The following ZSCAN5A variants were observed in gnomAD, a reference collection of about 807,000 sequenced individuals.
ZSCAN5A encodes the protein zinc finger and SCAN domain-containing protein 5A.
Under a neutral mutation model 23.7 loss-of-function variants are expected in ZSCAN5A, and 12 were observed. The observed-to-expected ratio is 0.51, with a 90% CI of 0.32 to 0.82. The LOEUF (loss-of-function observed/expected upper bound fraction) is 0.82. ZSCAN5A is among the 40% of genes least tolerant of loss of function. The pLI, the probability that ZSCAN5A is intolerant of heterozygous loss-of-function variation, is 0.03. For synonymous variants in ZSCAN5A, 257 were observed against 239.9 expected (o/e 1.07, Z -0.66); for missense variants, 597 against 617.9 (o/e 0.97, Z 0.36).
chr19:56,245,703 G>T (rs1322489287), intron 2 of ZSCAN5A, among the ~76,000 whole-genome samples: 2 of 152,174 alleles, frequency 1.3e-5, no homozygotes, highest in East Asian at 1.9e-4. Flanking sequence ...TGAACTGAAG[G>T]TCCCTTCCCC....
intron 2 of ZSCAN5A, chr19:56,321,005 A>G (rs1438879587): frequency 1.4e-6 from 1 of 706,540 alleles, no homozygotes; most frequent in Non-Finnish European, 2.7e-6. Context: ...TAAGTTGTCC[A>G]CTTTCCACCT....
intron 1 of ZSCAN5A, among the ~76,000 whole-genome samples, chr19:56,366,422 C>CAAAAAAAA (rs34420866): frequency 3.6e-5 from 3 of 83,168 alleles, no homozygotes; most frequent in Non-Finnish European, 5.7e-5. Context: ...GACTCTGTCT[C>CAAAAAAAA]AAAAAAAAAA....
chr19:56,325,053 G>A (rs1336764198), intron 2 of ZSCAN5A, among the ~76,000 whole-genome samples: 1 of 152,228 alleles, frequency 6.6e-6, no homozygotes, highest in Non-Finnish European at 1.5e-5. Context: ...GTGCATGGAC[G>A]AGTGTCTGAC....
chr19:56,323,240 A>G (rs1480846569), intron 2 of ZSCAN5A, among the ~76,000 whole-genome samples: 1 of 151,470 alleles, frequency 6.6e-6, no homozygotes, highest in Non-Finnish European at 1.5e-5. Flanking sequence ...TTGCTCTGTC[A>G]CTCAGAGTGC....
At chr19:56,285,599 C>T (rs1172529376) in intron 2 of ZSCAN5A, among the ~76,000 whole-genome samples, 1 of 152,010 alleles carries the variant, frequency 6.6e-6, no homozygotes, top group African/African-American at 2.4e-5. Context: ...GGATTCCTAA[C>T]ATATTTTGAT....
chr19:56,348,559 C>T (rs12608852), intron 2 of ZSCAN5A, among the ~76,000 whole-genome samples: 4,973 of 152,250 alleles, frequency 0.033, 256 homozygotes, highest in East Asian at 0.25. Flanking sequence ...ATTAGCTGAG[C>T]TAATAGCTCT....
At chr19:56,337,247 G>A (rs966756812) in intron 2 of ZSCAN5A, among the ~76,000 whole-genome samples, 27 of 152,294 alleles carry the variant, frequency 1.8e-4, no homozygotes, top group South Asian at 6.2e-4. Flanking sequence ...CGAGCTTCCC[G>A]GCCACTTTAT....
chr19:56,303,269 G>A (rs1453843568), intron 2 of ZSCAN5A, among the ~76,000 whole-genome samples: 1 of 151,970 alleles, frequency 6.6e-6, no homozygotes, highest in African/African-American at 2.4e-5. Context: ...CACGAGGTCA[G>A]GAGTTCAAGA....
chr19:56,270,965 C>T (rs574976065), intron 2 of ZSCAN5A, among the ~76,000 whole-genome samples: 16 of 152,196 alleles, frequency 1.1e-4, no homozygotes, highest in African/African-American at 3.9e-4. Flanking sequence ...TCATCTCTGT[C>T]CCCAGATCAC....
chr19:56,269,386 T>G (rs1214989063), intron 2 of ZSCAN5A, among the ~76,000 whole-genome samples: 2 of 152,274 alleles, frequency 1.3e-5, no homozygotes, highest in Non-Finnish European at 2.9e-5. Flanking sequence ...AGGGATATAG[T>G]CAATTGAGCA....
chr19:56,326,230 C>A lies in ZSCAN5A; in HGVS notation c.-357-9962G>T, dbSNP rs182419319. Among the ~76,000 whole-genome samples, 125 of 152,170 alleles carry A rather than the reference C, an allele frequency of 8.2e-4. 1 individual carries two copies. Among genetic ancestry groups the A allele is most frequent in the Admixed American group, 2.6e-3 (40 of 15,284 alleles). On this transcript the variant is annotated intron_variant, in intron 2 of 6. Transcript: ENST00000587340. Reference sequence around the variant, plus strand: ...GGGATTACAGGCGTGAGCCACCACGCCTGGCCTGATATACGTATATATTGT... The same window carrying A: ...GGGATTACAGGCGTGAGCCACCACGACTGGCCTGATATACGTATATATTGT...
chr19:56,223,259 C>T (rs1018028237), intron 4 of ZSCAN5A, among the ~76,000 whole-genome samples: 26 of 152,232 alleles, frequency 1.7e-4, no homozygotes, highest in African/African-American at 5.5e-4. Flanking sequence ...TTGAGAAACA[C>T]TCCTCAAATT....
At chr19:56,246,459 C>T (rs566485079) in intron 2 of ZSCAN5A, 422 of 585,488 alleles carry the variant, frequency 7.2e-4, no homozygotes, top group Non-Finnish European at 1.1e-3. Context: ...AGCTTCCAAA[C>T]GGTCCTAGTG....
At chr19:56,350,675 A>T (rs1166575130) in intron 2 of ZSCAN5A, among the ~76,000 whole-genome samples, 3 of 152,118 alleles carry the variant, frequency 2.0e-5, no homozygotes, top group Non-Finnish European at 4.4e-5. Context: ...ATTGCAATCC[A>T]TTGGTGTAAC....
intron 2 of ZSCAN5A, among the ~76,000 whole-genome samples, chr19:56,251,582 G>A (rs1427031777): frequency 6.6e-6 from 1 of 152,154 alleles, no homozygotes; most frequent in Non-Finnish European, 1.5e-5. Flanking sequence ...GTGTTTTACA[G>A]GGTCTTATTC....
At chr19:56,342,184 G>T (rs1399281031) in intron 2 of ZSCAN5A, among the ~76,000 whole-genome samples, 1 of 151,708 alleles carries the variant, frequency 6.6e-6, no homozygotes, top group East Asian at 1.9e-4. Flanking sequence ...TTCATGACAT[G>T]CTTGGATTTT....
chr19:56,304,496 A>G (rs910154315), intron 2 of ZSCAN5A, among the ~76,000 whole-genome samples: 1 of 152,166 alleles, frequency 6.6e-6, no homozygotes, highest in African/African-American at 2.4e-5. Context: ...CCACGACAAA[A>G]ATAACCCAGG....
At chr19:56,357,146 T>C (rs2041704796) in intron 2 of ZSCAN5A, among the ~76,000 whole-genome samples, 1 of 148,722 alleles carries the variant, frequency 6.7e-6, no homozygotes, top group South Asian at 2.1e-4. Flanking sequence ...GACGTGTCTG[T>C]TTTTGTCTGG....
At chr19:56,321,258 C>T in intron 2 of ZSCAN5A, 1 of 667,422 alleles carries the variant, frequency 1.5e-6, no homozygotes, top group Non-Finnish European at 2.8e-6. Context: ...ATCAGTAGTG[C>T]CAGCAATCAT....
Sources: gnomAD v4.1 joint callset for allele counts (sites outside exome capture counted in the v4.1 genomes callset) on GRCh38, gnomAD v4.1.1 for gene constraint, MANE v1.5 for transcripts, NCBI Gene and HGNC (gene_info 2026-07-23, HGNC 2026-07-21) for gene names.